Variants in CSE1L observed in about 807,000 individuals in gnomAD.
CSE1L encodes the protein chromosome segregation 1 like.
Under a neutral mutation model 120.4 loss-of-function variants are expected in CSE1L, and 24 were observed. The ratio of observed to expected loss-of-function variants is 0.20; its 90% CI spans 0.14 to 0.28. The LOEUF (loss-of-function observed/expected upper bound fraction) is 0.28, where lower values mean the gene tolerates loss of function less well. Among genes scored for constraint, CSE1L ranks in the 10% least tolerant of loss-of-function variants. The probability of loss-of-function intolerance (pLI) is 1.00; values close to 1 mark genes in which losing one functional copy is unlikely to be tolerated. For synonymous variants in CSE1L, 402 were observed against 398.3 expected (o/e 1.01, Z -0.11); for missense variants, 830 against 1,145.2 (o/e 0.72, Z 3.97).
Position 49,096,329 on chromosome 20 carries a change from GT to G in CSE1L, c.2827-19del. ...CACCAAGATCTCCAACAGCCAGTGT[GT>G]GTTTCCCATCTCTTGTAGGTTCCAT... is the stretch of plus-strand genomic sequence containing the variant. On this transcript the variant is annotated intron_variant, in intron 24 of 24. Coordinates refer to ENST00000262982, the MANE Select transcript of CSE1L (RefSeq NM_001316.4). 1.3e-6 allele frequency: 2 copies of G among 1,596,508 alleles called. No individual in the cohort carries two copies.
chr20:49,093,106 T>G (rs1167394146), intron 22 of CSE1L, among the ~76,000 whole-genome samples: 2 of 152,250 alleles, frequency 1.3e-5, no homozygotes, highest in Non-Finnish European at 2.9e-5. Context: ...TGTACCTCAG[T>G]TATGTCTCAA....
rs1033582286 is a variant in CSE1L at position 49,075,382 on chromosome 20, A to T, written c.1197A>T (p.Gly399=). The T allele has an allele frequency of 6.8e-6, 11 of 1,613,816 alleles. No individual in the cohort carries two copies. Among genetic ancestry groups the T allele is most frequent in the Non-Finnish European group, 9.3e-6 (11 of 1,179,970 alleles). The change falls in exon 12 of 25, where the codon GGA becomes GGT. Residue 399 remains glycine, a synonymous_variant. Transcript: ENST00000262982. The part of the protein sequence containing the change: ...LVRGLCKFFE[G]PVTGIFSGYV... ...GAGGATTATGCAAGTTTTTTGAGGG[A>T]CCTGTGACAGGAATCTTCTCTGGTT...
rs1004704601 is a variant in CSE1L, at chr20:49,075,856, G to A, written c.1335+336G>A. ...TTTTACATTTTTATATTTTTGAGAT[G>A]GAGTCTCACTTTGTCACCAGGCTGG... On this transcript the variant is annotated intron_variant, in intron 12 of 24. Coordinates refer to ENST00000262982, the MANE Select transcript of CSE1L (RefSeq NM_001316.4). Among the ~76,000 whole-genome samples the A allele has an allele frequency of 1.3e-4, 20 of 152,056 alleles. No homozygotes were observed. The East Asian group carries it at 3.1e-3, about 23-fold the overall frequency.
At position 49,096,442 on chromosome 20, in the gene CSE1L, G is replaced by A; in HGVS notation, c.*4G>A. 1 of 1,609,610 alleles carries A rather than the reference G, an allele frequency of 6.2e-7. No individual in the cohort carries two copies. Among genetic ancestry groups the A allele is most frequent in the Non-Finnish European group, 8.5e-7 (1 of 1,175,918 alleles). On this transcript the variant is annotated 3_prime_UTR_variant, in exon 25 of 25. Transcript: ENST00000262982. The stretch of plus-strand genomic sequence containing the variant: ...AGCCAGTGTGACACTGCTTTAAACT[G>A]CATTTTTCTAATGGGCTAAACCCAG...
rs1388765495 is a variant in CSE1L, at chr20:49,088,115, G to A, written c.1821+9G>A. On this transcript the variant is annotated intron_variant, in intron 17 of 24. Transcript: ENST00000262982. ...TATTAGCTGTTAGTAAGGTAATAGAGCCAATTTTGAAAGTGGGGTTCCTTT... is the reference window on the plus strand; with the variant it reads ...TATTAGCTGTTAGTAAGGTAATAGAACCAATTTTGAAAGTGGGGTTCCTTT... 6.3e-7 allele frequency: 1 copy of A among 1,582,938 alleles called. No homozygotes were observed. The highest frequency in any genetic ancestry group is 2.2e-5 in the East Asian group (1 of 44,640).
chr20:49,075,272 G>A lies in CSE1L; in HGVS notation c.1133-46G>A, dbSNP rs753704032. ...TCTTATAAATTGGATCAGCTTGTTG[G>A]TGGTTGTTTTTTTTCCCCATAATAT... On this transcript the variant is annotated intron_variant, in intron 11 of 24. Transcript: ENST00000262982. 1.2e-5 allele frequency: 17 copies of A among 1,423,696 alleles called. 1 individual carries two copies. The highest frequency in any genetic ancestry group is 1.8e-4 in the Middle Eastern group (1 of 5,646). 88.2% of individuals were successfully genotyped at this position (1,423,696 alleles called of 1,614,324 possible). A position where few individuals can be genotyped will look rare whatever the true frequency, so the allele number is the denominator to read the frequency against.
intron 12 of CSE1L, 29 bp from the exon 13 acceptor site, chr20:49,076,951 T>C (rs1473114021): frequency 1.4e-6 from 2 of 1,461,004 alleles, no homozygotes; most frequent in East Asian, 2.3e-5. Context: ...TATTTTGTTA[T>C]TTTACTATGT....
chr20:49,064,628 A>C (rs953909545), intron 3 of CSE1L, among the ~76,000 whole-genome samples: 4 of 152,238 alleles, frequency 2.6e-5, no homozygotes, highest in Non-Finnish European at 5.9e-5. Context: ...TGAGGGGATC[A>C]CTTGTGCCTG....
At chr20:49,050,107 C>T (rs1227306240) in intron 1 of CSE1L, among the ~76,000 whole-genome samples, 2 of 152,002 alleles carry the variant, frequency 1.3e-5, no homozygotes, top group African/African-American at 4.8e-5. Flanking sequence ...TTATATAACC[C>T]CTCACTTTTT....
intron 3 of CSE1L, among the ~76,000 whole-genome samples, chr20:49,064,231 T>C (rs1473609552): frequency 6.6e-6 from 1 of 152,238 alleles, no homozygotes; most frequent in East Asian, 1.9e-4. Context: ...GGCTTTTCTA[T>C]AGTGATAGCA....
In CSE1L at chr20:49,070,063, G is replaced by A. The variant is rs186879661; in HGVS notation, c.676-142G>A. 16 of 503,426 alleles carry A rather than the reference G, an allele frequency of 3.2e-5. No individual in the cohort carries two copies. The Admixed American group carries it at 5.6e-4, about 18-fold the overall frequency. 31.2% of individuals were successfully genotyped at this position (503,426 alleles called of 1,614,324 possible). A position where few individuals can be genotyped will look rare whatever the true frequency, so the allele number is the denominator to read the frequency against. ...TATGCAGCTGCCAGATGTAGCTGGA[G>A]CAGAGAATTCTTGTCAGAATAGGTA... On this transcript the variant is annotated intron_variant, in intron 7 of 24. Transcript: ENST00000262982.
At chr20:49,065,312 A>ATTTTTTTTTTTT (rs1568769017) in intron 3 of CSE1L, among the ~76,000 whole-genome samples, 9 of 79,416 alleles carry the variant, frequency 1.1e-4, no homozygotes, top group African/African-American at 2.1e-4. Flanking sequence ...ATGAAAAAAA[A>ATTTTTTTTTTTT]ATTTTTTTTT....
chr20:49,060,080 G>A (rs2091839935), intron 2 of CSE1L, among the ~76,000 whole-genome samples: 1 of 151,722 alleles, frequency 6.6e-6, no homozygotes, highest in Non-Finnish European at 1.5e-5. Context: ...AGCAACTGGG[G>A]AGGCTGAGAC....
At chr20:49,046,865 G>T (rs183359733) in intron 1 of CSE1L, among the ~76,000 whole-genome samples, 15 of 152,356 alleles carry the variant, frequency 9.8e-5, no homozygotes, top group African/African-American at 3.6e-4. Flanking sequence ...GGCGAGGCCT[G>T]CCCGGGCGGG....
chr20:49,078,465 C>A, intron 13 of CSE1L, 96 bp from the exon 14 acceptor site: 1 of 797,174 alleles, frequency 1.3e-6, no homozygotes, highest in Non-Finnish European at 2.0e-6. Flanking sequence ...AATTACTTGA[C>A]ATTTTATCTT....
At chr20:49,077,982 A>C (rs551396271) in intron 13 of CSE1L, among the ~76,000 whole-genome samples, 1 of 152,182 alleles carries the variant, frequency 6.6e-6, no homozygotes, top group African/African-American at 2.4e-5. Flanking sequence ...CTAGCCTGGG[A>C]TACAGAGCGA....
Position 49,066,277 on chromosome 20 carries a change from A to C in CSE1L, c.314A>C (p.Glu105Ala). 6.2e-7 allele frequency: 1 copy of C among 1,614,184 alleles called. No individual in the cohort carries two copies. The highest frequency in any genetic ancestry group is 8.5e-7 in the Non-Finnish European group (1 of 1,180,022). ...GTGCACTTGATGCTTAGCAGCCCAG[A>C]GCAAATTCAGAAGCAGGTAATGTCG... ...NIVHLMLSSP[E>A]QIQKQLSDAI... The change falls in exon 4 of 25, where the codon GAG (glutamate) becomes GCG (alanine). Residue 105 changes from glutamate to alanine, a missense_variant. Around this residue, in one of 4 missense-constraint regions of CSE1L, gnomAD observed 543 missense variants for 640.2 expected, o/e 0.85. Coordinates refer to ENST00000262982, the MANE Select transcript of CSE1L (RefSeq NM_001316.4).
intron 1 of CSE1L, among the ~76,000 whole-genome samples, chr20:49,047,128 C>T (rs973561991): frequency 2.6e-5 from 4 of 152,192 alleles, no homozygotes; most frequent in African/African-American, 9.7e-5. Context: ...TGGTTCGGAG[C>T]ATAGACTTTG....
chr20:49,055,341 T>A (rs893336763), intron 1 of CSE1L, among the ~76,000 whole-genome samples: 1 of 152,198 alleles, frequency 6.6e-6, no homozygotes, highest in African/African-American at 2.4e-5. Context: ...TACTTGGCAT[T>A]TCAGTTGTGT....
Sources: gnomAD v4.1 joint callset for allele counts (sites outside exome capture counted in the v4.1 genomes callset) on GRCh38, gnomAD v4.1.1 for gene constraint, gnomAD v4.1.1 regional missense constraint, MANE v1.5 for transcripts, NCBI Gene and HGNC (gene_info 2026-07-23, HGNC 2026-07-21) for gene names.